The following MMP11 variants were observed in gnomAD, a reference collection of about 807,000 sequenced individuals.
MMP11 encodes the protein matrix metallopeptidase 11.
In MMP11, 26 loss-of-function variants were observed where a neutral mutation model predicts 49.5. The ratio of observed to expected loss-of-function variants is 0.52; its 90% CI spans 0.38 to 0.73. The LOEUF is 0.73. Ranked by LOEUF, MMP11 falls within the 30% of genes least tolerant of loss-of-function variation. The pLI, the probability that MMP11 is intolerant of heterozygous loss-of-function variation, is 0.00. For synonymous variants in MMP11, 265 were observed against 282.3 expected, an observed-to-expected ratio of 0.94 and a Z score of 0.62; for missense variants, 624 against 671.2, an observed-to-expected ratio of 0.93 and a Z score of 0.78.
At chr22:23,782,592 C>A in intron 7 of MMP11, 109 bp downstream of exon 7, 1 of 1,360,154 alleles carries the variant, frequency 7.4e-7, no homozygotes, top group Non-Finnish European at 9.9e-7. Context: ...GGCTCTTCAT[C>A]ACAGGTCCTT....
Position 23,780,652 on chromosome 22 carries a change from A to T in MMP11, c.553A>T (p.Thr185Ser). 1 of 1,582,944 alleles carries T rather than the reference A, an allele frequency of 6.3e-7. No homozygotes were observed. Among genetic ancestry groups the T allele is most frequent in the Non-Finnish European group, 8.6e-7 (1 of 1,166,686 alleles). Residue 185 changes from threonine to serine, a missense_variant, in exon 4 of 8, where the codon ACT becomes TCT. Coordinates refer to ENST00000215743, the MANE Select transcript of MMP11 (RefSeq NM_005940.5). This position sits in a 1 kb window ranked among gnomAD's most constrained non-coding sequence, Gnocchi z 4.6. Reference sequence around the variant, plus strand: ...CCTGGCCCATGCCTTCTTCCCCAAGACTCACCGAGAAGGGGATGTCCACTT... The same window carrying T: ...CCTGGCCCATGCCTTCTTCCCCAAGTCTCACCGAGAAGGGGATGTCCACTT... ...GILAHAFFPK[T>S]HREGDVHFDY...
At chr22:23,781,522 C>T (rs1927633970) in intron 6 of MMP11, 113 bp downstream of exon 6, 2 of 1,046,778 alleles carry the variant, frequency 1.9e-6, no homozygotes, top group South Asian at 1.5e-5. Flanking sequence ...GGGAGAGCTG[C>T]CCCAAAGCCT....
At chr22:23,779,483 C>T (rs28363651) in intron 2 of MMP11, 67 bp downstream of exon 2, 46,161 of 1,355,664 alleles carry the variant, frequency 0.034, 947 homozygotes, top group East Asian at 0.092. Flanking sequence ...GCTGCCCTCA[C>T]AGCTGCTGCT....
chr22:23,779,240 C>G lies in MMP11; in HGVS notation c.162C>G (p.Ala54=). The stretch of plus-strand genomic sequence containing the variant: ...GGGGGCCACAGCCCTGGCATGCAGC[C>G]CTGCCCAGTAGCCCGGCACCTGCCC... ...ERRGPQPWHA[A]LPSSPAPAPA... Residue 54 remains alanine, a synonymous_variant, in exon 2 of 8, where the codon GCC becomes GCG. Transcript: ENST00000215743. 6.2e-7 allele frequency: 1 copy of G among 1,609,144 alleles called. No individual in the cohort carries two copies. Among genetic ancestry groups the G allele is most frequent in the East Asian group, 2.2e-5 (1 of 44,754 alleles).
chr22:23,780,545 G>T lies in MMP11; in HGVS notation c.483-37G>T. 1 of 1,612,052 alleles carries T rather than the reference G, an allele frequency of 6.2e-7. No individual in the cohort carries two copies. Among genetic ancestry groups the T allele is most frequent in the Non-Finnish European group, 8.5e-7 (1 of 1,179,116 alleles). ...GACCCCTCCGGGAACAGCCTCGCCT[G>T]CCAGCAGCCACTGACCCCGCCCCCA... On this transcript the variant is annotated intron_variant, in intron 3 of 7. Coordinates refer to ENST00000215743, the MANE Select transcript of MMP11 (RefSeq NM_005940.5). The surrounding 1 kb of genome is among the most constrained non-coding windows in gnomAD (Gnocchi z 4.6).
rs1927530827 is a variant in MMP11, at chr22:23,779,330, C to T, written c.252C>T (p.Asp84=). 4.3e-6 allele frequency: 7 copies of T among 1,612,994 alleles called. No homozygotes were observed. The highest frequency in any genetic ancestry group is 5.9e-6 in the Non-Finnish European group (7 of 1,179,926). Reference sequence around the variant, plus strand: ...GGCCTCCCCGCTGTGGCGTGCCCGACCCATCTGATGGGCTGAGTGCCCGCA... The same window carrying T: ...GGCCTCCCCGCTGTGGCGTGCCCGATCCATCTGATGGGCTGAGTGCCCGCA... ...SLRPPRCGVP[D]PSDGLSARNR... is the part of the protein sequence containing the mutation. The change falls in exon 2 of 8, where the codon GAC becomes GAT. Residue 84 remains aspartate (D), a synonymous_variant. Transcript: ENST00000215743.
Position 23,774,564 on chromosome 22 carries a change from G to C in MMP11, c.108+1586G>C, listed in dbSNP as rs1927345034. ...TCCCTCCTGGAGCCAGCAGCAGAGG[G>C]GTGAGAATAGGAAGATTAGGTGGAA... On this transcript the variant is annotated intron_variant, in intron 1 of 7. Coordinates refer to ENST00000215743, the MANE Select transcript of MMP11 (RefSeq NM_005940.5). 2.0e-5 allele frequency among the ~76,000 whole-genome samples: 3 copies of C among 152,100 alleles called. No individual in the cohort carries two copies. In the South Asian group the frequency reaches 6.2e-4, roughly 31 times the overall value.
At chr22:23,781,774 G>A (rs1401721227) in intron 6 of MMP11, 4 of 598,408 alleles carry the variant, frequency 6.7e-6, no homozygotes, top group African/African-American at 1.8e-5. Context: ...ATTGATCCAG[G>A]TCTATCATCC....
chr22:23,780,728 G>T lies in MMP11; in HGVS notation c.616+13G>T. 1 of 1,547,030 alleles carries T rather than the reference G, an allele frequency of 6.5e-7. No individual in the cohort carries two copies. Among genetic ancestry groups the T allele is most frequent in the South Asian group, 1.2e-5 (1 of 80,350 alleles). On this transcript the variant is annotated intron_variant, in intron 4 of 7. Transcript: ENST00000215743. This position sits in a 1 kb window ranked among gnomAD's most constrained non-coding sequence, Gnocchi z 4.6. ...GGGGATGACCAGGGTATGGGCTGGG[G>T]ACCCATTTTCCAGATGGGGCAACCG... is the stretch of plus-strand genomic sequence containing the variant.
At chr22:23,781,451 C>T (rs758675038) in intron 6 of MMP11, 42 bp downstream of exon 6, 2 of 1,526,364 alleles carry the variant, frequency 1.3e-6, no homozygotes, top group Non-Finnish European at 1.8e-6. Context: ...CTTCCCAGAG[C>T]CAGGAATGTT....
chr22:23,779,114 C>A, intron 1 of MMP11, 73 bp from the exon 2 acceptor site: 2 of 1,238,482 alleles, frequency 1.6e-6, no homozygotes, highest in Non-Finnish European at 2.2e-6. Context: ...TGTTTGCTGA[C>A]AGGCCACATC....
rs78016971 is a variant in MMP11 at position 23,783,322 on chromosome 22, C to T, written c.1334-89C>T. 783 of 1,543,866 alleles carry T rather than the reference C, an allele frequency of 5.1e-4. 5 individuals are homozygous for T. In the African/African-American group the frequency reaches 9.3e-3, roughly 18 times the overall value. ...GGCCAAGGGCTTCCCACTCAGCCCT[C>T]CCTTAGTGCCCATCCCTGGGCACAG... On this transcript the variant is annotated intron_variant, in intron 7 of 7. Transcript: ENST00000215743.
At chr22:23,778,647 T>G (rs1050602057) in intron 1 of MMP11, among the ~76,000 whole-genome samples, 1 of 152,182 alleles carries the variant, frequency 6.6e-6, no homozygotes, top group African/African-American at 2.4e-5. Flanking sequence ...GAGGCCACAC[T>G]GCAGGGCTAC....
At position 23,780,222 on chromosome 22, in the gene MMP11, A is replaced by C; in HGVS notation, c.339-137A>C. ...TGTGGCCAGGGAGACCAGTGCGCTG[A>C]AGCTGAGGCCCAGAGTACACCTGGC... On this transcript the variant is annotated intron_variant, in intron 2 of 7. Transcript: ENST00000215743. This position sits in a 1 kb window ranked among gnomAD's most constrained non-coding sequence, Gnocchi z 4.6. 9.4e-7 allele frequency: 1 copy of C among 1,060,286 alleles called. No individual in the cohort carries two copies. The highest frequency in any genetic ancestry group is 1.6e-5 in the African/African-American group (1 of 62,988). 65.7% of individuals were successfully genotyped at this position (1,060,286 alleles called of 1,614,324 possible).
At position 23,783,317 on chromosome 22, in the gene MMP11, G is replaced by A. The variant is rs554697532; in HGVS notation, c.1334-94G>A. 7 of 1,510,460 alleles carry A rather than the reference G, an allele frequency of 4.6e-6. No individual in the cohort carries two copies. The East Asian group carries it at 1.4e-4, about 30-fold the overall frequency. 93.6% of individuals were successfully genotyped at this position (1,510,460 alleles called of 1,614,324 possible). ...GCAGTGGCCAAGGGCTTCCCACTCAGCCCTCCCTTAGTGCCCATCCCTGGG... is the reference window on the plus strand; with the variant it reads ...GCAGTGGCCAAGGGCTTCCCACTCAACCCTCCCTTAGTGCCCATCCCTGGG... On this transcript the variant is annotated intron_variant, in intron 7 of 7. Transcript: ENST00000215743.
At position 23,779,401 on chromosome 22, in the gene MMP11, C is replaced by A. The variant is rs149825656; in HGVS notation, c.323C>A (p.Thr108Lys). ...FVLSGGRWEK[T>K]DLTYRILRFP... ...CTTTCTGGCGGGCGCTGGGAGAAGA[C>A]GGACCTCACCTACAGGTAGGGGCCT... Residue 108 changes from threonine (T) to lysine (K), a missense_variant, in exon 2 of 8, where the codon ACG becomes AAG. Transcript: ENST00000215743. The A allele has an allele frequency of 3.1e-6, 5 of 1,611,532 alleles. No homozygotes were observed. The African/African-American group carries it at 6.7e-5, about 22-fold the overall frequency.
At chr22:23,782,914 C>T (rs1053448933) in intron 7 of MMP11, among the ~76,000 whole-genome samples, 6 of 152,130 alleles carry the variant, frequency 3.9e-5, no homozygotes, top group Non-Finnish European at 7.4e-5. Flanking sequence ...AACCACTGAC[C>T]CACCCAGCCT....
At position 23,780,302 on chromosome 22, in the gene MMP11, C is replaced by G; in HGVS notation, c.339-57C>G. 1 of 1,608,686 alleles carries G rather than the reference C, an allele frequency of 6.2e-7. No homozygotes were observed. Among genetic ancestry groups the G allele is most frequent in the Non-Finnish European group, 8.5e-7 (1 of 1,178,102 alleles). On this transcript the variant is annotated intron_variant, in intron 2 of 7. Transcript: ENST00000215743. This position sits in a 1 kb window ranked among gnomAD's most constrained non-coding sequence, Gnocchi z 4.6. ...AGCATCCAGGGGCAACTCCTGGTGC[C>G]TCAGCCATCGGGGGCTGTCCCTTCC...
At chr22:23,775,551 A>AG in intron 1 of MMP11, among the ~76,000 whole-genome samples, 1 of 152,386 alleles carries the variant, frequency 6.6e-6, no homozygotes, top group South Asian at 2.1e-4. Flanking sequence ...CTCTAAAAAA[A>AG]TAATGGGCTC....
Sources: gnomAD v4.1 joint callset for allele counts (sites outside exome capture counted in the v4.1 genomes callset) on GRCh38, gnomAD v4.1.1 for gene constraint, Gnocchi (gnomAD v3.1) non-coding constraint, MANE v1.5 for transcripts, NCBI Gene and HGNC (gene_info 2026-07-23, HGNC 2026-07-21) for gene names.